The following AMOTL1 variants were observed in gnomAD, a reference collection of about 807,000 sequenced individuals.
The protein encoded by AMOTL1 is angiomotin like 1.
In AMOTL1, 45 loss-of-function variants were observed where a neutral mutation model predicts 102.9. The ratio of observed to expected loss-of-function variants is 0.44; its 90% CI spans 0.34 to 0.56. AMOTL1 has a LOEUF of 0.56. Among genes scored for constraint, AMOTL1 ranks in the 20% least tolerant of loss-of-function variants. The pLI is 0.01. For synonymous variants in AMOTL1, 481 were observed against 484.7 expected, an observed-to-expected ratio of 0.99 and a Z score of 0.10; for missense variants, 1,114 against 1,225.6, an observed-to-expected ratio of 0.91 and a Z score of 1.36.
intron 1 of AMOTL1, among the ~76,000 whole-genome samples, chr11:94,711,222 A>G (rs774172448): frequency 1.3e-5 from 2 of 152,144 alleles, no homozygotes; most frequent in Non-Finnish European, 2.9e-5. Context: ...TGGTTGATCT[A>G]GTTGTGGATT....
intron 1 of AMOTL1, among the ~76,000 whole-genome samples, chr11:94,709,102 C>T (rs1949979418): frequency 6.6e-6 from 1 of 152,138 alleles, no homozygotes; most frequent in Non-Finnish European, 1.5e-5. Flanking sequence ...TATTGAGTGC[C>T]TACTCTGTGC....
chr11:94,835,088 T>C (rs991970553), intron 6 of AMOTL1, among the ~76,000 whole-genome samples: 3 of 152,238 alleles, frequency 2.0e-5, no homozygotes, highest in African/African-American at 4.8e-5. Context: ...GGAATTTTTT[T>C]CCCCTGTCAC....
chr11:94,738,077 C>T (rs1388755774), intron 2 of AMOTL1, among the ~76,000 whole-genome samples: 1 of 152,076 alleles, frequency 6.6e-6, no homozygotes, highest in Non-Finnish European at 1.5e-5. Flanking sequence ...GAGGGAAAAG[C>T]CACATAAATG....
chr11:94,716,375 G>C (rs577950294), intron 1 of AMOTL1, among the ~76,000 whole-genome samples: 37 of 152,174 alleles, frequency 2.4e-4, no homozygotes, highest in African/African-American at 8.7e-4. Flanking sequence ...TCTCATAAAA[G>C]TTGTATGTTT....
intron 3 of AMOTL1, among the ~76,000 whole-genome samples, chr11:94,741,720 T>C (rs1006169056): frequency 2.0e-5 from 3 of 149,800 alleles, no homozygotes; most frequent in South Asian, 2.1e-4. Context: ...GTGGCTCTCT[T>C]TTTTTTTTCT....
Position 94,865,965 on chromosome 11 carries a change from T to C in AMOTL1, c.2285T>C (p.Ile762Thr). Residue 762 changes from isoleucine to threonine, a missense_variant, in exon 11 of 13, where the codon ATC becomes ACC. Ile to Thr is a moderately conservative substitution (Grantham distance 89, BLOSUM62 -1). Coordinates refer to ENST00000433060, the MANE Select transcript of AMOTL1 (RefSeq NM_130847.3). ...AGTATTAAAAATCTCCATGCCAAAATCATAGAGAAAGATGCTATGATTAAG... is the reference window on the plus strand; with the variant it reads ...AGTATTAAAAATCTCCATGCCAAAACCATAGAGAAAGATGCTATGATTAAG... ...EYTIKNLHAK[I>T]IEKDAMIKVL... 2.5e-6 allele frequency: 4 copies of C among 1,613,854 alleles called. No individual in the cohort carries two copies. The highest frequency in any genetic ancestry group is 3.4e-6 in the Non-Finnish European group (4 of 1,179,830).
At position 94,848,545 on chromosome 11, in the gene AMOTL1, T is replaced by C. The variant is rs1281843682; in HGVS notation, c.1649-1569T>C. Among the ~76,000 whole-genome samples, 3 of 152,188 alleles carry C rather than the reference T, an allele frequency of 2.0e-5. No individual in the cohort carries two copies. In the East Asian group the frequency reaches 5.8e-4, roughly 29 times the overall value. ...CGACATAATTCGACAATGCAAGGGTTGTGCAGTCAAGAAGGAAGGACATTG... is the reference window on the plus strand; with the variant it reads ...CGACATAATTCGACAATGCAAGGGTCGTGCAGTCAAGAAGGAAGGACATTG... On this transcript the variant is annotated intron_variant, in intron 6 of 12. Coordinates refer to ENST00000433060, the MANE Select transcript of AMOTL1 (RefSeq NM_130847.3).
intron 3 of AMOTL1, among the ~76,000 whole-genome samples, chr11:94,802,962 C>T (rs193094794): frequency 6.6e-6 from 1 of 152,180 alleles, no homozygotes; most frequent in African/African-American, 2.4e-5. Flanking sequence ...TGTCATTGAT[C>T]GTGATGGTTT....
intron 11 of AMOTL1, among the ~76,000 whole-genome samples, chr11:94,867,850 G>A (rs145077164): frequency 2.0e-5 from 3 of 152,208 alleles, no homozygotes; most frequent in Non-Finnish European, 4.4e-5. Context: ...AAAGAACATA[G>A]GTTGGACTCC....
chr11:94,835,718 G>T (rs2135673861), intron 6 of AMOTL1, among the ~76,000 whole-genome samples: 1 of 152,286 alleles, frequency 6.6e-6, no homozygotes, highest in South Asian at 2.1e-4. Context: ...TTTGGGATTT[G>T]CTAGGCACTG....
upstream of AMOTL1, among the ~76,000 whole-genome samples, chr11:94,765,743 C>T (rs1375961581): frequency 1.3e-5 from 2 of 152,204 alleles, no homozygotes; most frequent in African/African-American, 4.8e-5. Context: ...GCTTCCATGC[C>T]TTTACCTTTT....
At chr11:94,868,359 G>A (rs1952924566) in intron 11 of AMOTL1, among the ~76,000 whole-genome samples, 1 of 152,182 alleles carries the variant, frequency 6.6e-6, no homozygotes, top group Non-Finnish European at 1.5e-5. Flanking sequence ...CGTGTGTGCT[G>A]TATTTAAAAA....
intron 11 of AMOTL1, among the ~76,000 whole-genome samples, chr11:94,868,978 A>C (rs894879201): frequency 1.2e-4 from 18 of 151,780 alleles, no homozygotes; most frequent in African/African-American, 2.9e-4. Flanking sequence ...CACAAAAAAA[A>C]CCTACAATTT....
chr11:94,768,502 T>C lies in AMOTL1; in HGVS notation c.-10T>C, dbSNP rs1364167887. ...CCCAGCCGAGGGACTGAACTAGCCA[T>C]GATCGCCTCATGTGGAGGGCAAAGT... On this transcript the variant is annotated 5_prime_UTR_variant, in exon 1 of 13. The change abolishes an upstream ATG in the 5' untranslated region. Transcript: ENST00000433060. The C allele has an allele frequency of 6.3e-7, 1 of 1,598,072 alleles. No individual in the cohort carries two copies. Among genetic ancestry groups the C allele is most frequent in the Non-Finnish European group, 8.5e-7 (1 of 1,172,874 alleles).
At chr11:94,744,015 T>A (rs758366162) in intron 3 of AMOTL1, among the ~76,000 whole-genome samples, 2 of 152,124 alleles carry the variant, frequency 1.3e-5, no homozygotes, top group South Asian at 4.1e-4. Context: ...CACCAAGTAA[T>A]TCTTAAATAT....
chr11:94,740,823 G>A (rs1440853251), intron 2 of AMOTL1: 3 of 810,842 alleles, frequency 3.7e-6, no homozygotes, highest in Non-Finnish European at 5.4e-6. Context: ...GATTCTGAGC[G>A]CTGGGAGAGA....
At chr11:94,772,995 AT>A (rs1259096058) in intron 1 of AMOTL1, among the ~76,000 whole-genome samples, 1 of 152,076 alleles carries the variant, frequency 6.6e-6, no homozygotes, top group Non-Finnish European at 1.5e-5. Context: ...TTATGTGCTT[AT>A]TTGCTATCCA....
intron 3 of AMOTL1, among the ~76,000 whole-genome samples, chr11:94,746,397 A>G (rs1950590778): frequency 1.3e-5 from 2 of 152,204 alleles, no homozygotes; most frequent in African/African-American, 4.8e-5. Context: ...CCCTGTGAAT[A>G]ACCTTGACTG....
At position 94,795,233 on chromosome 11, in the gene AMOTL1, A is replaced by G. The variant is rs1951345988; in HGVS notation, c.199+73A>G. 7 of 1,540,868 alleles carry G rather than the reference A, an allele frequency of 4.5e-6. No homozygotes were observed. The South Asian group carries it at 4.8e-5, about 10-fold the overall frequency. On this transcript the variant is annotated intron_variant, in intron 2 of 12. Transcript: ENST00000433060. ...CGTTTCTCATCTTTAGCTCTTTTGC[A>G]TAATTCAGATGTTTATTCTCTAATC...
Sources: gnomAD v4.1 joint callset for allele counts (sites outside exome capture counted in the v4.1 genomes callset) on GRCh38, gnomAD v4.1.1 for gene constraint, MANE v1.5 for transcripts, NCBI Gene and HGNC (gene_info 2026-07-23, HGNC 2026-07-21) for gene names.